PITPNM2: variants seen among roughly 807,000 people sequenced by gnomAD.
PITPNM2 encodes phosphatidylinositol transfer protein membrane associated 2.
PITPNM2 carries 35 observed loss-of-function variants against 132.2 expected under a neutral mutation model. That is an observed-to-expected ratio of 0.26 (90% CI 0.20 to 0.35). The LOEUF is 0.35. Ranked by LOEUF, PITPNM2 falls within the 10% of genes least tolerant of loss-of-function variation. PITPNM2 has a pLI of 1.00. For synonymous variants in PITPNM2, 738 were observed against 799.2 expected (o/e 0.92, Z 1.29); for missense variants, 1,332 against 1,912.0 (o/e 0.70, Z 5.66).
chr12:123,074,776 C>G (rs1448312492), intron 2 of PITPNM2, among the ~76,000 whole-genome samples: 1 of 152,184 alleles, frequency 6.6e-6, no homozygotes, highest in Non-Finnish European at 1.5e-5. Context: ...CCCCTGCAGA[C>G]ACAAACATGC....
rs560689940 is a variant in PITPNM2, at chr12:123,097,678, T to C, written c.-96+12707A>G. 6.6e-6 allele frequency among the ~76,000 whole-genome samples: 1 copy of C among 152,342 alleles called. No homozygotes were observed. The highest frequency in any genetic ancestry group is 1.9e-4 in the East Asian group (1 of 5,186). On this transcript the variant is annotated intron_variant, in intron 2 of 25. Coordinates refer to ENST00000320201, the MANE Select transcript of PITPNM2 (RefSeq NM_020845.3). This position sits in a 1 kb window ranked among gnomAD's most constrained non-coding sequence, Gnocchi z 4.7. ...CCTGCCTGCCTTCCTTGCCTGCCTGTCTGCCTTCCACTGGGGTTTTTCAAT... is the reference window on the plus strand; with the variant it reads ...CCTGCCTGCCTTCCTTGCCTGCCTGCCTGCCTTCCACTGGGGTTTTTCAAT...
intron 1 of PITPNM2, among the ~76,000 whole-genome samples, chr12:123,112,684 A>C (rs2042862964): frequency 6.6e-6 from 1 of 151,886 alleles, no homozygotes; most frequent in South Asian, 2.1e-4. Context: ...GACTACGGCG[A>C]CTGCCACCAC....
In PITPNM2 at chr12:122,995,593, C is replaced by A; in HGVS notation, c.1850G>T (p.Gly617Val). 1 of 1,604,958 alleles carries A rather than the reference C, an allele frequency of 6.2e-7. No homozygotes were observed. The highest frequency in any genetic ancestry group is 8.5e-7 in the Non-Finnish European group (1 of 1,179,378). Reference sequence around the variant, plus strand: ...ACCACTGCTGCCACCACCGCCACCGCCGCCACCGCCACCACCGCAGCAGTG... The same window carrying A: ...ACCACTGCTGCCACCACCGCCACCGACGCCACCGCCACCACCGCAGCAGTG... ...AAHCCGGGGG[G>V]GGGGGSSGGG... Residue 617 changes from glycine (G) to valine (V), a missense_variant, in exon 14 of 26, where the codon GGC becomes GTC. Physicochemically the swap from Gly to Val is moderately radical, Grantham distance 109. Around this residue, in one of 6 missense-constraint regions of PITPNM2, gnomAD observed 710 missense variants for 911.5 expected, o/e 0.78. Coordinates refer to ENST00000320201, the MANE Select transcript of PITPNM2 (RefSeq NM_020845.3).
At chr12:123,021,029 C>CAAAAA (rs910751492) in intron 3 of PITPNM2, among the ~76,000 whole-genome samples, 2 of 25,256 alleles carry the variant, frequency 7.9e-5, no homozygotes, top group Admixed American at 6.0e-4. Context: ...AATTCCATCT[C>CAAAAA]AAAAAAAAAA....
At chr12:123,016,281 G>A (rs550884559) in intron 3 of PITPNM2, among the ~76,000 whole-genome samples, 12 of 151,262 alleles carry the variant, frequency 7.9e-5, no homozygotes, top group East Asian at 4.0e-4. Context: ...AGCCAAGATC[G>A]CGCCACTGCA....
intron 2 of PITPNM2, among the ~76,000 whole-genome samples, chr12:123,080,071 G>T (rs746582199): frequency 6.6e-6 from 1 of 152,130 alleles, no homozygotes; most frequent in African/African-American, 2.4e-5. Context: ...TCCTGTTTTC[G>T]AGGTCCATCC....
At chr12:123,115,551 ACG>A in intron 1 of PITPNM2, among the ~76,000 whole-genome samples, 1 of 151,906 alleles carries the variant, frequency 6.6e-6, no homozygotes, top group Admixed American at 6.6e-5. Context: ...GCACACACAC[ACG>A]CACACACACA....
At position 123,000,352 on chromosome 12, in the gene PITPNM2, CG is replaced by C. The variant is rs780713519; in HGVS notation, c.1224+425del. ...CACACTGAGCTCCGCCTGCCTCCCG[CG>C]GGGCCATCTTGTCGGCCACGGCCAC... On this transcript the variant is annotated intron_variant, in intron 10 of 25. Transcript: ENST00000320201. The surrounding 1 kb of genome is among the most constrained non-coding windows in gnomAD (Gnocchi z 5.4). The C allele has an allele frequency of 1.0e-5, 7 of 698,360 alleles. No individual in the cohort carries two copies. The South Asian group carries it at 1.0e-4, about 10-fold the overall frequency. The allele number at this position is 698,360 out of a possible 1,614,324, so 43.3% of individuals were successfully genotyped here.
At chr12:123,133,546 G>A (rs1010507257) in intron 1 of PITPNM2, among the ~76,000 whole-genome samples, 1 of 152,194 alleles carries the variant, frequency 6.6e-6, no homozygotes, top group Non-Finnish European at 1.5e-5. Context: ...GAGAATTTGA[G>A]TATTTTCTTA....
chr12:122,994,833 G>A lies in PITPNM2; in HGVS notation c.2201C>T (p.Ala734Val), dbSNP rs756406738. 1 of 1,611,308 alleles carries A rather than the reference G, an allele frequency of 6.2e-7. No individual in the cohort carries two copies. Among genetic ancestry groups the A allele is most frequent in the East Asian group, 2.2e-5 (1 of 44,848 alleles). The part of the protein sequence containing the change: ...LFGCPLGLVL[A>V]LRKTVIPALD... ...GGCTGGGATGACAGTCTTCCTCAAG[G>A]CCAGGACCAGCCCCAGCGGGCACCC... The change falls in exon 15 of 26, where the codon GCC becomes GTC. Residue 734 changes from alanine to valine, a missense_variant. By Grantham distance (64) the Ala-to-Val change is moderately conservative (BLOSUM62 0). Around this residue, in one of 6 missense-constraint regions of PITPNM2, gnomAD observed 710 missense variants for 911.5 expected, o/e 0.78. Coordinates refer to ENST00000320201, the MANE Select transcript of PITPNM2 (RefSeq NM_020845.3). The surrounding 1 kb of genome is among the most constrained non-coding windows in gnomAD (Gnocchi z 5.4).
chr12:123,107,827 G>T (rs1237034387), intron 2 of PITPNM2, among the ~76,000 whole-genome samples: 2 of 152,182 alleles, frequency 1.3e-5, no homozygotes, highest in African/African-American at 4.8e-5. Flanking sequence ...GCACCCAAAG[G>T]CAAGTCTCCC....
chr12:123,136,034 G>T (rs2043374126), intron 1 of PITPNM2, among the ~76,000 whole-genome samples: 1 of 152,206 alleles, frequency 6.6e-6, no homozygotes, highest in Admixed American at 6.5e-5. Flanking sequence ...AGGCGCAGTG[G>T]CTCACCCCTG....
In PITPNM2 at chr12:123,106,981, C is replaced by T. The variant is rs775915773; in HGVS notation, c.-96+3404G>A. ...TGCAGGTAGGGCTCTGCTGCTGCTA[C>T]GGATGGAGATAAGTCCCTTCTTCAC... On this transcript the variant is annotated intron_variant, in intron 2 of 25. Coordinates refer to ENST00000320201, the MANE Select transcript of PITPNM2 (RefSeq NM_020845.3). This position sits in a 1 kb window ranked among gnomAD's most constrained non-coding sequence, Gnocchi z 4.4. Among the ~76,000 whole-genome samples the T allele has an allele frequency of 1.3e-5, 2 of 152,160 alleles. No individual in the cohort carries two copies.
chr12:122,997,413 C>T lies in PITPNM2; in HGVS notation c.1384G>A (p.Val462Met). 3 of 1,613,508 alleles carry T rather than the reference C, an allele frequency of 1.9e-6. No homozygotes were observed. Among genetic ancestry groups the T allele is most frequent in the Non-Finnish European group, 2.5e-6 (3 of 1,180,004 alleles). The change falls in exon 11 of 26, where the codon GTG becomes ATG. Residue 462 changes from valine (V) to methionine (M), a missense_variant. Val to Met is a conservative substitution (Grantham distance 21). This residue lies in a region of PITPNM2 where 710 missense variants were observed against 911.5 expected (regional missense o/e 0.78). Coordinates refer to ENST00000320201, the MANE Select transcript of PITPNM2 (RefSeq NM_020845.3). The part of the protein sequence containing the change: ...IANVFDTVMR[V>M]HYPSALGRLA... ...CGGCCCAGGGCGCTGGGGTAGTGCA[C>T]GCGCATGACGGTGTCGAACACGTTG...
intron 2 of PITPNM2, among the ~76,000 whole-genome samples, chr12:123,067,819 G>A (rs2041477896): frequency 6.6e-6 from 1 of 152,196 alleles, no homozygotes. Flanking sequence ...CACACTCTGA[G>A]CTGACCACAT....
intron 10 of PITPNM2, 151 bp from the exon 11 acceptor site, chr12:122,997,723 G>A: frequency 8.9e-7 from 1 of 1,118,092 alleles, no homozygotes; most frequent in East Asian, 2.6e-5. Flanking sequence ...CCTGGAGCCT[G>A]GGGTTTGGCT....
chr12:123,130,860 T>C (rs372662819), intron 1 of PITPNM2, among the ~76,000 whole-genome samples: 3 of 152,134 alleles, frequency 2.0e-5, no homozygotes, highest in Non-Finnish European at 4.4e-5. Context: ...TGCTTCTACC[T>C]GAAAAACTGG....
chr12:122,986,158 G>C lies in PITPNM2; in HGVS notation c.3919C>G (p.Arg1307Gly). The change falls in exon 26 of 26, where the codon CGG (arginine) becomes GGG (glycine). Residue 1307 changes from arginine (R) to glycine (G), a missense_variant. By Grantham distance (125) the Arg-to-Gly change is moderately radical (BLOSUM62 -2). This residue lies in a region of PITPNM2 where 163 missense variants were observed against 177.2 expected (regional missense o/e 0.92). Coordinates refer to ENST00000320201, the MANE Select transcript of PITPNM2 (RefSeq NM_020845.3). ...ISAQPSGPSH[R>G]HERTQSQADG... ...GCCTGGCTCTGTGTCCGCTCGTGCC[G>C]GTGGCTGGGCCCGCTGGGCTGGGCC... 6.5e-7 allele frequency: 1 copy of C among 1,534,046 alleles called. No homozygotes were observed.
chr12:122,993,220 C>T lies in PITPNM2; in HGVS notation c.2234-551G>A, dbSNP rs919000492. The stretch of plus-strand genomic sequence containing the variant: ...TATGATGAAGGGCACATGGTGGAAA[C>T]CCCTTCCACCCCAGATCCCCCCGAA... On this transcript the variant is annotated intron_variant, in intron 15 of 25. Transcript: ENST00000320201. The surrounding 1 kb of genome is among the most constrained non-coding windows in gnomAD (Gnocchi z 5.2). 2.0e-5 allele frequency among the ~76,000 whole-genome samples: 3 copies of T among 152,118 alleles called. No homozygotes were observed. The highest frequency in any genetic ancestry group is 7.2e-5 in the African/African-American group (3 of 41,398).
Sources: gnomAD v4.1 joint callset for allele counts (sites outside exome capture counted in the v4.1 genomes callset) on GRCh38, gnomAD v4.1.1 for gene constraint, gnomAD v4.1.1 regional missense constraint, Gnocchi (gnomAD v3.1) non-coding constraint, MANE v1.5 for transcripts, NCBI Gene and HGNC (gene_info 2026-07-23, HGNC 2026-07-21) for gene names.